Variants in LARGE1 observed in about 807,000 individuals in gnomAD.
The protein encoded by LARGE1 is xylosyl- and glucuronyltransferase LARGE1.
LARGE1 carries 43 observed loss-of-function variants against 87.6 expected under a neutral mutation model. The observed-to-expected ratio is 0.49, with a 90% CI of 0.38 to 0.63. The LOEUF is 0.63. LARGE1 is among the 30% of genes least tolerant of loss of function. LARGE1 has a pLI of 0.00. For missense variants in LARGE1, 802 were observed against 1,000.2 expected (o/e 0.80, Z 2.67); for synonymous variants, 434 against 394.6 (o/e 1.10, Z -1.18).
intron 11 of LARGE1, among the ~76,000 whole-genome samples, chr22:33,252,251 TC>T (rs34458283): frequency 0.68 from 75,836 of 111,332 alleles, 26,284 homozygotes; most frequent in South Asian, 0.81. Context: ...ATTCCTTCAT[TC>T]CCCCCCCCCC....
At chr22:33,601,780 G>GT (rs1214478160) in intron 5 of LARGE1, among the ~76,000 whole-genome samples, 3 of 152,180 alleles carry the variant, frequency 2.0e-5, no homozygotes, top group Admixed American at 1.3e-4. Context: ...TCTTTTGAAC[G>GT]TATCAGATTG....
chr22:33,843,529 GA>G (rs1410479967), intron 1 of LARGE1, among the ~76,000 whole-genome samples: 2 of 151,914 alleles, frequency 1.3e-5, no homozygotes, highest in East Asian at 3.9e-4. Context: ...GCGGATGCAG[GA>G]AGATCCAAAA....
chr22:33,303,325 C>T (rs1569031682), intron 12 of LARGE1, among the ~76,000 whole-genome samples: 1 of 152,166 alleles, frequency 6.6e-6, no homozygotes, highest in East Asian at 1.9e-4. Flanking sequence ...TGTTTCCACC[C>T]CAGTTTCCCT....
intron 1 of LARGE1, among the ~76,000 whole-genome samples, chr22:33,821,732 T>C (rs1228408731): frequency 9.9e-6 from 1 of 100,614 alleles, no homozygotes; most frequent in East Asian, 2.9e-4. Context: ...GGTGTGTGCA[T>C]GTATACATAC....
chr22:33,747,364 C>T (rs1464360730), intron 2 of LARGE1, among the ~76,000 whole-genome samples: 1 of 152,064 alleles, frequency 6.6e-6, no homozygotes, highest in Non-Finnish European at 1.5e-5. Flanking sequence ...CCTCTCTTCT[C>T]TTTCTCTCCA....
intron 1 of LARGE1, among the ~76,000 whole-genome samples, chr22:33,909,373 G>A (rs992113191): frequency 4.6e-5 from 7 of 152,056 alleles, no homozygotes; most frequent in Middle Eastern, 3.2e-3. Context: ...CTGTCTCCCA[G>A]CCTCCATCTC....
intron 1 of LARGE1, among the ~76,000 whole-genome samples, chr22:33,821,866 G>T (rs1448616659): frequency 6.6e-6 from 1 of 150,904 alleles, no homozygotes; most frequent in Non-Finnish European, 1.5e-5. Context: ...CTGCCCAAGT[G>T]CATTAAAAAC....
chr22:33,069,143 G>A, the LARGE1 span, among the ~76,000 whole-genome samples: 1,381 of 152,204 alleles, frequency 9.1e-3, 24 homozygotes, highest in African/African-American at 0.032. Context: ...CTATGTATGA[G>A]ACTCCTGCTT....
chr22:33,303,308 G>A (rs759685605), intron 12 of LARGE1, among the ~76,000 whole-genome samples: 10 of 152,206 alleles, frequency 6.6e-5, no homozygotes, highest in African/African-American at 9.7e-5. Context: ...TCTGCAGCCA[G>A]ACTGGCTGTT....
At chr22:33,327,060 C>T (rs1263599346) in intron 10 of LARGE1, among the ~76,000 whole-genome samples, 1 of 152,210 alleles carries the variant, frequency 6.6e-6, no homozygotes, top group African/African-American at 2.4e-5. Context: ...TGGCGACATG[C>T]GGCTCGCACG....
intron 5 of LARGE1, among the ~76,000 whole-genome samples, chr22:33,565,542 TCTC>T (rs1196791012): frequency 7.0e-6 from 1 of 142,836 alleles, no homozygotes; most frequent in African/African-American, 2.5e-5. Context: ...ACTGCTGCCT[TCTC>T]TTTATTCTCA....
chr22:33,907,045 C>G (rs2065475858), intron 1 of LARGE1, among the ~76,000 whole-genome samples: 1 of 152,084 alleles, frequency 6.6e-6, no homozygotes, highest in Admixed American at 6.5e-5. Flanking sequence ...ACAAGCACCC[C>G]TTGGTATGGA....
chr22:33,297,516 G>A (rs561161452), intron 12 of LARGE1, among the ~76,000 whole-genome samples: 20 of 151,898 alleles, frequency 1.3e-4, no homozygotes, highest in African/African-American at 3.6e-4. Context: ...GGGAGGCTGA[G>A]GCAGGACAAT....
chr22:33,263,624 C>T (rs1456556372), intron 11 of LARGE1, among the ~76,000 whole-genome samples: 2 of 152,242 alleles, frequency 1.3e-5, no homozygotes, highest in African/African-American at 4.8e-5. Context: ...TGGCTGACAC[C>T]TGCATTCAGC....
At chr22:33,528,962 C>T (rs2148557801) in intron 6 of LARGE1, among the ~76,000 whole-genome samples, 1 of 152,260 alleles carries the variant, frequency 6.6e-6, no homozygotes, top group South Asian at 2.1e-4. Flanking sequence ...TTAGAACAAG[C>T]CTGAAAGACA....
At position 33,748,135 on chromosome 22, in the gene LARGE1, G is replaced by GTTT. The variant is rs367726760; in HGVS notation, c.106+13233_106+13235dup. 5.1e-3 allele frequency among the ~76,000 whole-genome samples: 651 copies of GTTT among 126,760 alleles called. 18 individuals are homozygous for GTTT. Among genetic ancestry groups the GTTT allele is most frequent in the African/African-American group, 0.017 (594 of 34,136 alleles). 83.2% of individuals were successfully genotyped at this position (126,760 alleles called of 152,430 possible). ...GGGTTCTTCCTATCAATGCAGGTTT[G>GTTT]TTTTTTTTTTTTTTTTAGACAGAGT... On this transcript the variant is annotated intron_variant, in intron 2 of 14. Coordinates refer to ENST00000397394, the MANE Select transcript of LARGE1 (RefSeq NM_133642.5).
At chr22:33,162,200 C>G (rs1201076952), downstream of LARGE1, 1 of 152,098 alleles carries the variant, frequency 6.6e-6, no homozygotes, top group Non-Finnish European at 1.5e-5. Flanking sequence ...TCTCACACTG[C>G]TATAAAGAAC....
chr22:33,207,155 A>C (rs1395455220), intron 11 of LARGE1, among the ~76,000 whole-genome samples: 2 of 152,174 alleles, frequency 1.3e-5, no homozygotes, highest in African/African-American at 2.4e-5. Context: ...CAATGAGGTA[A>C]AGCTAGTACT....
intron 1 of LARGE1, among the ~76,000 whole-genome samples, chr22:33,851,121 C>T (rs746444142): frequency 2.0e-5 from 3 of 152,220 alleles, no homozygotes; most frequent in Non-Finnish European, 4.4e-5. Flanking sequence ...AGACACTTTA[C>T]AAGGTGTTTC....
Sources: gnomAD v4.1 joint callset for allele counts (sites outside exome capture counted in the v4.1 genomes callset) on GRCh38, gnomAD v4.1.1 for gene constraint, MANE v1.5 for transcripts, NCBI Gene and HGNC (gene_info 2026-07-23, HGNC 2026-07-21) for gene names.